FHIT: variants seen among roughly 807,000 people sequenced by gnomAD.
FHIT encodes bis(5'-adenosyl)-triphosphatase.
A neutral mutation model predicts 17.9 loss-of-function variants in FHIT; 19 were observed. The ratio of observed to expected loss-of-function variants is 1.06; its 90% CI spans 0.74 to 1.56. The LOEUF (loss-of-function observed/expected upper bound fraction) is 1.56, where lower values mean the gene tolerates loss of function less well. FHIT is among the 40% of genes most tolerant of loss of function. The pLI is 0.00. For synonymous variants in FHIT, 81 were observed against 69.7 expected, an observed-to-expected ratio of 1.16 and a Z score of -0.81; for missense variants, 248 against 189.2, an observed-to-expected ratio of 1.31 and a Z score of -1.82.
chr3:59,798,072 C>G (rs1272133251), intron 8 of FHIT, among the ~76,000 whole-genome samples: 1 of 152,126 alleles, frequency 6.6e-6, no homozygotes, highest in East Asian at 1.9e-4. Flanking sequence ...AACACCATGG[C>G]TCCATTTCTC....
chr3:59,858,478 G>A (rs144940594), intron 8 of FHIT, among the ~76,000 whole-genome samples: 29 of 151,806 alleles, frequency 1.9e-4, no homozygotes, highest in Non-Finnish European at 2.2e-4. Context: ...CACCTGCCTC[G>A]GCCTCCCAAA....
At chr3:60,013,689 AC>A (rs1700225924) in intron 6 of FHIT, among the ~76,000 whole-genome samples, 4 of 152,220 alleles carry the variant, frequency 2.6e-5, no homozygotes, top group Admixed American at 2.6e-4. Flanking sequence ...AAAATTAGTT[AC>A]CATGGAATGA....
chr3:60,223,406 C>T (rs774718592), intron 5 of FHIT, among the ~76,000 whole-genome samples: 2 of 152,206 alleles, frequency 1.3e-5, no homozygotes, highest in African/African-American at 2.4e-5. Flanking sequence ...CTGAATCATA[C>T]ATCATCTTTG....
intron 3 of FHIT, among the ~76,000 whole-genome samples, chr3:60,898,836 T>C (rs1047769229): frequency 2.0e-4 from 31 of 152,270 alleles, no homozygotes; most frequent in African/African-American, 7.5e-4. Context: ...AGCATAGACC[T>C]AAGAAATTTA....
rs1017252000 is a variant in FHIT at position 59,818,605 on chromosome 3, C to T, written c.349-66284G>A. 2.6e-5 allele frequency among the ~76,000 whole-genome samples: 4 copies of T among 152,242 alleles called. No homozygotes were observed. In the South Asian group the frequency reaches 8.3e-4, roughly 32 times the overall value. The stretch of plus-strand genomic sequence containing the variant: ...ACCATTCCGAATGTGACCCGGCAGC[C>T]CTTTACAAAAAGTAACATTTGCTTT... On this transcript the variant is annotated intron_variant, in intron 8 of 9. Coordinates refer to ENST00000492590, the MANE Select transcript of FHIT (RefSeq NM_002012.4).
intron 4 of FHIT, among the ~76,000 whole-genome samples, chr3:60,773,063 C>A (rs925668592): frequency 1.2e-4 from 19 of 152,248 alleles, no homozygotes; most frequent in Non-Finnish European, 2.5e-4. Flanking sequence ...TGTGGCTAGC[C>A]TTCTGTCAAC....
intron 4 of FHIT, among the ~76,000 whole-genome samples, chr3:60,658,091 C>T (rs1253622576): frequency 6.6e-6 from 1 of 152,114 alleles, no homozygotes; most frequent in Non-Finnish European, 1.5e-5. Context: ...TAACAACTCT[C>T]AATTCCTACT....
At chr3:59,906,126 G>A (rs552785436) in intron 8 of FHIT, among the ~76,000 whole-genome samples, 3 of 152,234 alleles carry the variant, frequency 2.0e-5, no homozygotes, top group Non-Finnish European at 2.9e-5. Context: ...CTGGCATTGC[G>A]TGTCTCTGGC....
At chr3:60,934,229 G>A (rs1399082260) in intron 3 of FHIT, among the ~76,000 whole-genome samples, 2 of 151,856 alleles carry the variant, frequency 1.3e-5, no homozygotes, top group African/African-American at 2.4e-5. Flanking sequence ...CTGAAAAGAG[G>A]GAAATTCATG....
intron 4 of FHIT, among the ~76,000 whole-genome samples, chr3:60,604,219 G>C (rs769754950): frequency 6.6e-6 from 1 of 152,108 alleles, no homozygotes; most frequent in Non-Finnish European, 1.5e-5. Flanking sequence ...AAAACATAAA[G>C]AGAAAAAACT....
At chr3:59,891,394 G>T (rs1167645680) in intron 8 of FHIT, among the ~76,000 whole-genome samples, 1 of 152,210 alleles carries the variant, frequency 6.6e-6, no homozygotes, top group East Asian at 1.9e-4. Flanking sequence ...GCTAAGCGGG[G>T]CTCCAGTGAG....
At chr3:60,474,811 C>G (rs988875784) in intron 5 of FHIT, among the ~76,000 whole-genome samples, 1 of 151,916 alleles carries the variant, frequency 6.6e-6, no homozygotes, top group Non-Finnish European at 1.5e-5. Context: ...TTAGTAGAGA[C>G]GAGGTTTCTC....
intron 8 of FHIT, among the ~76,000 whole-genome samples, chr3:59,840,047 G>C (rs1211853010): frequency 6.6e-6 from 1 of 152,116 alleles, no homozygotes; most frequent in African/African-American, 2.4e-5. Flanking sequence ...ACAGTGAGTG[G>C]GGGCTACAGA....
intron 5 of FHIT, among the ~76,000 whole-genome samples, chr3:60,513,539 T>G (rs1256439186): frequency 6.6e-6 from 1 of 152,216 alleles, no homozygotes; most frequent in Non-Finnish European, 1.5e-5. Context: ...AAAGATAAGA[T>G]TCCCTTTGGA....
chr3:59,763,006 A>G (rs13313901), intron 8 of FHIT, among the ~76,000 whole-genome samples: 19,700 of 152,176 alleles, frequency 0.13, 1,340 homozygotes, highest in South Asian at 0.24. Flanking sequence ...TCAAAAAGCA[A>G]TTTCCTTGGC....
At chr3:60,490,553 C>G (rs994046378) in intron 5 of FHIT, among the ~76,000 whole-genome samples, 5 of 140,986 alleles carry the variant, frequency 3.5e-5, no homozygotes, top group Non-Finnish European at 5.9e-5. Flanking sequence ...CTCTTTTAAA[C>G]CTCTTGCTCC....
chr3:60,314,129 C>T (rs144531904), intron 5 of FHIT, among the ~76,000 whole-genome samples: 1 of 152,188 alleles, frequency 6.6e-6, no homozygotes, highest in East Asian at 1.9e-4. Flanking sequence ...TCCCTTCAAT[C>T]TCATATAAAG....
At chr3:60,538,667 C>T (rs1044608442) in intron 4 of FHIT, among the ~76,000 whole-genome samples, 88 of 152,220 alleles carry the variant, frequency 5.8e-4, no homozygotes, top group African/African-American at 2.1e-3. Context: ...CTTTGACAAA[C>T]CTGACAAAAA....
chr3:59,840,297 C>CAT (rs1701484754), intron 8 of FHIT, among the ~76,000 whole-genome samples: 5 of 151,984 alleles, frequency 3.3e-5, no homozygotes, highest in Admixed American at 3.3e-4. Flanking sequence ...AACTCAGACA[C>CAT]CTATAGGGGC....
Sources: gnomAD v4.1 joint callset for allele counts (sites outside exome capture counted in the v4.1 genomes callset) on GRCh38, gnomAD v4.1.1 for gene constraint, MANE v1.5 for transcripts, NCBI Gene and HGNC (gene_info 2026-07-23, HGNC 2026-07-21) for gene names.